The following GPC6 variants were observed in gnomAD, a reference collection of about 807,000 sequenced individuals.
GPC6 encodes glypican-6.
GPC6 carries 14 observed loss-of-function variants against 55.2 expected under a neutral mutation model. That is an observed-to-expected ratio of 0.25 (90% CI 0.17 to 0.40). The LOEUF (loss-of-function observed/expected upper bound fraction) is 0.40, where lower values mean the gene tolerates loss of function less well. Ranked by LOEUF, GPC6 falls within the 10% of genes least tolerant of loss-of-function variation. The probability of loss-of-function intolerance (pLI) is 1.00; values close to 1 mark genes in which losing one functional copy is unlikely to be tolerated. For synonymous variants in GPC6, 278 were observed against 259.6 expected (o/e 1.07, Z -0.68); for missense variants, 641 against 708.5 (o/e 0.90, Z 1.08).
intron 2 of GPC6, among the ~76,000 whole-genome samples, chr13:93,813,460 C>A (rs189835641): frequency 6.6e-6 from 1 of 152,026 alleles, no homozygotes; most frequent in African/African-American, 2.4e-5. Flanking sequence ...TAAGAATTTG[C>A]TTTAGATGTT....
chr13:93,960,858 G>C (rs920062257), intron 3 of GPC6, among the ~76,000 whole-genome samples: 1 of 148,784 alleles, frequency 6.7e-6, no homozygotes, highest in Non-Finnish European at 1.5e-5. Context: ...TGTCGCCCAG[G>C]CTAGAGTGCA....
chr13:93,442,397 C>T (rs375216020), intron 1 of GPC6, among the ~76,000 whole-genome samples: 26 of 152,278 alleles, frequency 1.7e-4, no homozygotes, highest in African/African-American at 5.8e-4. Flanking sequence ...TCTGATTTAT[C>T]AAACTCTGTG....
intron 1 of GPC6, among the ~76,000 whole-genome samples, chr13:93,513,963 T>G (rs1881083553): frequency 7.4e-6 from 1 of 135,334 alleles, no homozygotes; most frequent in African/African-American, 2.8e-5. Context: ...AACCTCCACC[T>G]CCCAGGTTGA....
At chr13:94,373,471 A>C (rs972251027) in intron 6 of GPC6, among the ~76,000 whole-genome samples, 2 of 152,224 alleles carry the variant, frequency 1.3e-5, no homozygotes, top group Non-Finnish European at 2.9e-5. Context: ...TCAGCAATGG[A>C]AGATGAAATG....
chr13:93,778,663 C>T (rs897127700), intron 2 of GPC6, among the ~76,000 whole-genome samples: 2 of 152,144 alleles, frequency 1.3e-5, no homozygotes, highest in Non-Finnish European at 2.9e-5. Context: ...TATACCAGGA[C>T]AAATTATTTA....
At chr13:94,341,804 G>A (rs1212544568) in intron 6 of GPC6, among the ~76,000 whole-genome samples, 1 of 152,170 alleles carries the variant, frequency 6.6e-6, no homozygotes, top group East Asian at 1.9e-4. Flanking sequence ...TAAGGTTTCA[G>A]TTCACAGACC....
intron 2 of GPC6, among the ~76,000 whole-genome samples, chr13:93,688,315 G>A (rs953077863): frequency 1.3e-5 from 2 of 152,080 alleles, no homozygotes; most frequent in Admixed American, 6.6e-5. Context: ...CTTTATTAGT[G>A]CTTAGAAAGC....
chr13:93,372,096 A>T (rs1874678795), intron 1 of GPC6, among the ~76,000 whole-genome samples: 1 of 152,190 alleles, frequency 6.6e-6, no homozygotes, highest in South Asian at 2.1e-4. Flanking sequence ...CTTTGCTTTC[A>T]TTAATTCATT....
At chr13:93,232,314 G>C (rs1052839272) in intron 1 of GPC6, among the ~76,000 whole-genome samples, 1 of 152,138 alleles carries the variant, frequency 6.6e-6, no homozygotes, top group Non-Finnish European at 1.5e-5. Context: ...GACAGTGTAA[G>C]TCACAAATGA....
At chr13:93,499,489 A>G (rs1326662779) in intron 1 of GPC6, among the ~76,000 whole-genome samples, 1 of 152,142 alleles carries the variant, frequency 6.6e-6, no homozygotes, top group Non-Finnish European at 1.5e-5. Context: ...CTCATCTCTA[A>G]GCGTGTCCTG....
chr13:93,245,298 C>G (rs1050010588), intron 1 of GPC6, among the ~76,000 whole-genome samples: 8 of 152,174 alleles, frequency 5.3e-5, no homozygotes, highest in South Asian at 2.1e-4. Context: ...TTTGGATACT[C>G]TGATTTAATT....
chr13:93,489,451 T>TG (rs1879866734), intron 1 of GPC6, among the ~76,000 whole-genome samples: 1 of 151,442 alleles, frequency 6.6e-6, no homozygotes, highest in African/African-American at 2.4e-5. Context: ...CTTGGCAATG[T>TG]GGGCTCTTTT....
intron 6 of GPC6, among the ~76,000 whole-genome samples, chr13:94,334,163 G>A (rs1408244189): frequency 6.6e-6 from 1 of 152,172 alleles, no homozygotes; most frequent in Non-Finnish European, 1.5e-5. Context: ...GTTAGACTTT[G>A]CAACCCAGTG....
At chr13:93,708,802 A>G (rs966222884) in intron 2 of GPC6, among the ~76,000 whole-genome samples, 17 of 151,730 alleles carry the variant, frequency 1.1e-4, no homozygotes, top group African/African-American at 3.4e-4. Context: ...ATGGACTCCA[A>G]TCCAACTAGG....
intron 7 of GPC6, among the ~76,000 whole-genome samples, chr13:94,397,378 T>G (rs978620479): frequency 6.6e-6 from 1 of 152,106 alleles, no homozygotes; most frequent in Non-Finnish European, 1.5e-5. Flanking sequence ...CTAGGCAGCT[T>G]AGGCAGCTCA....
intron 1 of GPC6, among the ~76,000 whole-genome samples, chr13:93,466,298 T>G (rs1306122883): frequency 6.6e-6 from 1 of 152,208 alleles, no homozygotes; most frequent in East Asian, 1.9e-4. Flanking sequence ...CATCTAGATA[T>G]TCTTTGATTC....
intron 2 of GPC6, among the ~76,000 whole-genome samples, chr13:93,697,876 C>A (rs1314508193): frequency 1.3e-5 from 2 of 152,134 alleles, no homozygotes; most frequent in Non-Finnish European, 2.9e-5. Flanking sequence ...CAATAACATG[C>A]TTTCATCTTT....
At chr13:94,132,568 A>C (rs1304302926) in intron 4 of GPC6, among the ~76,000 whole-genome samples, 2 of 152,190 alleles carry the variant, frequency 1.3e-5, no homozygotes, top group Non-Finnish European at 2.9e-5. Context: ...CCTTGTTCAA[A>C]AATATGGGCC....
At chr13:93,505,454 G>C (rs533226997) in intron 1 of GPC6, among the ~76,000 whole-genome samples, 235 of 151,850 alleles carry the variant, frequency 1.5e-3, no homozygotes, top group African/African-American at 5.6e-3. Flanking sequence ...CACACACAGA[G>C]ACAGAGAGAG....
Sources: allele counts gnomAD v4.1 joint callset (sites outside exome capture counted in the v4.1 genomes callset), GRCh38; gene constraint gnomAD v4.1.1; transcripts MANE v1.5; gene names NCBI Gene and HGNC (gene_info 2026-07-23, HGNC 2026-07-21).